Variants in NEB observed in about 807,000 individuals in gnomAD.
NEB encodes nemaline myopathy type 2.
In NEB, 512 loss-of-function variants were observed where a neutral mutation model predicts 952.2. The observed-to-expected ratio is 0.54, with a 90% CI of 0.50 to 0.58. NEB has a LOEUF of 0.58. Ranked by LOEUF, NEB falls within the 20% of genes least tolerant of loss-of-function variation. The probability of loss-of-function intolerance (pLI) is 0.00; values close to 1 mark genes in which losing one functional copy is unlikely to be tolerated. For synonymous variants in NEB, 2,900 were observed against 3,149.8 expected, an observed-to-expected ratio of 0.92 and a Z score of 2.66; for missense variants, 8,428 against 9,231.1, an observed-to-expected ratio of 0.91 and a Z score of 3.56.
intron 52 of NEB, among the ~76,000 whole-genome samples, chr2:151,652,228 G>T (rs1303336713): frequency 6.6e-6 from 1 of 152,004 alleles, no homozygotes; most frequent in Non-Finnish European, 1.5e-5. Context: ...TTCCTTTAAA[G>T]AATTTTTTTA....
At chr2:151,539,427 C>T (rs963141903) in intron 138 of NEB, among the ~76,000 whole-genome samples, 25 of 152,276 alleles carry the variant, frequency 1.6e-4, no homozygotes, top group African/African-American at 6.0e-4. Context: ...AGATATTGTT[C>T]ACATTTGCTG....
rs1265237421 is a variant in NEB at position 151,549,647 on chromosome 2, T to G, written c.20038A>C (p.Met6680Leu). Residue 6680 changes from methionine (M) to leucine (L), a missense_variant, in exon 130 of 182, where the codon ATG becomes CTG. By Grantham distance (15) the Met-to-Leu change is conservative. Transcript: ENST00000397345. ...HFKHIKDTRYMSSYFKYKEAY... is the reference protein window; with the variant it reads ...HFKHIKDTRYLSSYFKYKEAY... ...AGGAGACCACTCACATAACTGCTCA[T>G]GTAACGGGTGTCCTTGATGTGTTTG... is the stretch of plus-strand genomic sequence containing the variant. The G allele has an allele frequency of 6.3e-7, 1 of 1,594,998 alleles. No homozygotes were observed. The highest frequency in any genetic ancestry group is 1.7e-5 in the Admixed American group (1 of 57,660).
Position 151,656,456 on chromosome 2 carries a change from G to A in NEB, c.6192C>T (p.Tyr2064=). The part of the protein sequence containing the change: ...ASRDIASDYK[Y]KYNYEKGKGK... Reference sequence around the variant, plus strand: ...CCTTCCCTTTTTCATAATTGTACTTGTATTTATACTGTGAAGAAAATATGA... The same window carrying A: ...CCTTCCCTTTTTCATAATTGTACTTATATTTATACTGTGAAGAAAATATGA... Residue 2064 remains tyrosine, a synonymous_variant, in exon 49 of 182, where the codon TAC becomes TAT. Transcript: ENST00000397345. 1 of 1,596,958 alleles carries A rather than the reference G, an allele frequency of 6.3e-7. No individual in the cohort carries two copies. Among genetic ancestry groups the A allele is most frequent in the Non-Finnish European group, 8.6e-7 (1 of 1,168,796 alleles).
At chr2:151,614,692 T>A (rs1043254834) in intron 76 of NEB, 105 bp from the exon 77 acceptor site, 10 of 1,314,414 alleles carry the variant, frequency 7.6e-6, no homozygotes, top group Admixed American at 2.4e-5. Context: ...AACACTATCA[T>A]GAAGGAGAAA....
intron 92 of NEB, among the ~76,000 whole-genome samples, chr2:151,595,457 G>A (rs1325952809): frequency 6.6e-6 from 1 of 151,104 alleles, no homozygotes; most frequent in African/African-American, 2.5e-5. Context: ...ATTTTTAGTA[G>A]AGATGAGGTT....
rs759643478 is a variant in NEB at position 151,646,168 on chromosome 2, T to C, written c.7498A>G (p.Ile2500Val). 5.0e-6 allele frequency: 8 copies of C among 1,604,420 alleles called. No individual in the cohort carries two copies. In the South Asian group the frequency reaches 9.0e-5, roughly 18 times the overall value. Residue 2500 changes from isoleucine to valine, a missense_variant, in exon 55 of 182, where the codon ATT (isoleucine) becomes GTT (valine). Ile to Val is a conservative substitution (Grantham distance 29, BLOSUM62 3). Transcript: ENST00000397345. ...QIHIMPDTPD[I>V]VLAKANLINT... ...ATTAAGTTTGCTTTAGCCAGAACAA[T>C]GTCAGGTGTATCAGGCATGATGTGG...
intron 158 of NEB, 132 bp from the exon 159 acceptor site, chr2:151,514,560 G>A: frequency 2.7e-6 from 2 of 754,344 alleles, no homozygotes; most frequent in Non-Finnish European, 4.6e-6. Context: ...ATGAATACAG[G>A]CAGGGTATAA....
chr2:151,649,763 TA>T (rs996719436), intron 54 of NEB, among the ~76,000 whole-genome samples: 2 of 152,224 alleles, frequency 1.3e-5, no homozygotes, highest in Non-Finnish European at 1.5e-5. Context: ...CTGATTCAGC[TA>T]AACTAAAAGC....
In NEB at chr2:151,677,981, A is replaced by T; in HGVS notation, c.3462T>A (p.Asp1154Glu). 3.1e-6 allele frequency: 5 copies of T among 1,613,924 alleles called. No individual in the cohort carries two copies. The highest frequency in any genetic ancestry group is 1.1e-5 in the South Asian group (1 of 91,070). Residue 1154 changes from aspartate (D) to glutamate (E), a missense_variant, in exon 33 of 182, where the codon GAT becomes GAA. By Grantham distance (45) the Asp-to-Glu change is conservative. Transcript: ENST00000397345. ...FNVVAAKKAQDVVSNVNYKHS... is the reference protein window; with the variant it reads ...FNVVAAKKAQEVVSNVNYKHS... ...GCTTATAGTTGACATTGCTGACCACATCCTGGGCTTTCTTAGCCGCCACGA... is the reference window on the plus strand; with the variant it reads ...GCTTATAGTTGACATTGCTGACCACTTCCTGGGCTTTCTTAGCCGCCACGA...
chr2:151,490,864 C>T (rs933512972), intron 179 of NEB, among the ~76,000 whole-genome samples: 13 of 152,180 alleles, frequency 8.5e-5, no homozygotes, highest in Admixed American at 3.3e-4. Context: ...TTTAACTTCT[C>T]CAGAAAGTCC....
chr2:151,560,890 GA>G (rs2095995497), intron 123 of NEB, 113 bp downstream of exon 123: 1 of 792,558 alleles, frequency 1.3e-6, no homozygotes, highest in South Asian at 1.9e-5. Flanking sequence ...GAAGGTCCAG[GA>G]AAAAACCATA....
At chr2:151,628,636 T>A (rs904651129) in intron 68 of NEB, among the ~76,000 whole-genome samples, 1 of 152,022 alleles carries the variant, frequency 6.6e-6, no homozygotes, top group Admixed American at 6.6e-5. Flanking sequence ...AGGTCAGGAG[T>A]TTGAGACCAG....
chr2:151,564,078 T>C lies in NEB; in HGVS notation c.18472-148A>G, dbSNP rs956994083. ...TAGCCATTAGTGCATCTACCTAGAA[T>C]AGGGCAGTTATTTGGTTTATTGCAA... On this transcript the variant is annotated intron_variant, in intron 117 of 181. Coordinates refer to ENST00000397345, the MANE Select transcript of NEB (RefSeq NM_001164508.2). 47 of 491,910 alleles carry C rather than the reference T, an allele frequency of 9.6e-5. No individual in the cohort carries two copies. In the East Asian group the frequency reaches 1.3e-3, roughly 13 times the overall value. The allele number at this position is 491,910 out of a possible 1,614,324, so 30.5% of individuals were successfully genotyped here.
intron 181 of NEB, among the ~76,000 whole-genome samples, chr2:151,487,596 T>C (rs1027617790): frequency 1.3e-5 from 2 of 152,170 alleles, no homozygotes; most frequent in Non-Finnish European, 2.9e-5. Context: ...TCACGAATTA[T>C]TCAGCCATTT....
Position 151,684,961 on chromosome 2 carries a change from T to C in NEB, c.2652A>G (p.Lys884=). ...AKNQSDREYR[K]DYEKSKTIYT... is the part of the protein sequence containing the mutation. ...AGATAGTTTTTGACTTTTCATAATCTTTTCGATATTCGCGCTGTGAATAGG... is the reference window on the plus strand; with the variant it reads ...AGATAGTTTTTGACTTTTCATAATCCTTTCGATATTCGCGCTGTGAATAGG... The change falls in exon 28 of 182, where the codon AAA becomes AAG. Residue 884 remains lysine, a synonymous_variant. Transcript: ENST00000397345. The C allele has an allele frequency of 6.2e-7, 1 of 1,606,898 alleles. No individual in the cohort carries two copies. The highest frequency in any genetic ancestry group is 1.1e-5 in the South Asian group (1 of 89,496).
At chr2:151,544,405 A>T (rs890111513) in intron 135 of NEB, among the ~76,000 whole-genome samples, 8 of 152,180 alleles carry the variant, frequency 5.3e-5, no homozygotes, top group Non-Finnish European at 1.2e-4. Flanking sequence ...TATTAAACAG[A>T]ATCTCTATGG....
Position 151,631,351 on chromosome 2 carries a change from G to T in NEB, c.9415-5C>A, listed in dbSNP as rs776956299. On this transcript the variant is annotated splice_region_variant and splice_polypyrimidine_tract_variant and intron_variant, in intron 65 of 181. Transcript: ENST00000397345. The stretch of plus-strand genomic sequence containing the variant: ...GAGATCTGACTTGTAAATATTCTGA[G>T]CAGAGGAAAAAAGTCAAAAACTCTT... The T allele has an allele frequency of 6.2e-7, 1 of 1,606,826 alleles. No homozygotes were observed. The highest frequency in any genetic ancestry group is 8.5e-7 in the Non-Finnish European group (1 of 1,174,794).
chr2:151,647,733 C>G (rs1295408226), intron 54 of NEB, among the ~76,000 whole-genome samples: 1 of 152,108 alleles, frequency 6.6e-6, no homozygotes, highest in Non-Finnish European at 1.5e-5. Flanking sequence ...ATGTCAAAAA[C>G]TTGGAAGGCA....
intron 60 of NEB, 92 bp downstream of exon 60, chr2:151,642,482 C>T (rs2098886922): frequency 3.8e-6 from 4 of 1,055,422 alleles, no homozygotes; most frequent in Non-Finnish European, 1.4e-6. Context: ...ACAGCTTTAA[C>T]CTCATGGCTT....
Sources: allele counts gnomAD v4.1 joint callset (sites outside exome capture counted in the v4.1 genomes callset), GRCh38; gene constraint gnomAD v4.1.1; transcripts MANE v1.5; gene names NCBI Gene and HGNC (gene_info 2026-07-23, HGNC 2026-07-21).